The following ACTN3 variants were observed in gnomAD, a reference collection of about 807,000 sequenced individuals.
The protein encoded by ACTN3 is actinin alpha 3.
A neutral mutation model predicts 119.6 loss-of-function variants in ACTN3; 91 were observed. That is an observed-to-expected ratio of 0.76 (90% CI 0.64 to 0.91). The LOEUF (loss-of-function observed/expected upper bound fraction) is 0.91. Among genes scored for constraint, ACTN3 ranks in the 40% least tolerant of loss-of-function variants. ACTN3 has a pLI of 0.00. For synonymous variants in ACTN3, 456 were observed against 478.8 expected (o/e 0.95, Z 0.62); for missense variants, 1,221 against 1,215.1 (o/e 1.00, Z -0.07).
In ACTN3 at chr11:66,558,188, C is replaced by G; in HGVS notation, c.1276+14C>G. 2 of 1,611,310 alleles carry G rather than the reference C, an allele frequency of 1.2e-6. No homozygotes were observed. The highest frequency in any genetic ancestry group is 3.3e-5 in the Admixed American group (2 of 60,008). On this transcript the variant is annotated intron_variant, in intron 11 of 20. Transcript: ENST00000513398. ...CCTGGACCCGGGGTAGGTAGACCTA[C>G]CTCATGGGGCTGGACTGTCTCTTGG...
chr11:66,556,290 T>C (rs1857588534), intron 8 of ACTN3, 60 bp downstream of exon 8: 1 of 1,542,076 alleles, frequency 6.5e-7, no homozygotes, highest in African/African-American at 1.4e-5. Context: ...ACCTTGGCTG[T>C]AGTCCAACAT....
chr11:66,548,815 T>G (rs1045468787), intron 1 of ACTN3, among the ~76,000 whole-genome samples: 2 of 152,140 alleles, frequency 1.3e-5, no homozygotes, highest in African/African-American at 4.8e-5. Flanking sequence ...ATAAAGCCCC[T>G]GCCATGGGAG....
chr11:66,561,495 TGGA>T lies in ACTN3; in HGVS notation c.2038_2040del (p.Glu680del). The T allele has an allele frequency of 6.2e-7, 1 of 1,604,244 alleles. No individual in the cohort carries two copies. Among genetic ancestry groups the T allele is most frequent in the South Asian group, 1.1e-5 (1 of 89,430 alleles). On this transcript the variant is annotated inframe_deletion, in exon 17 of 21. Coordinates refer to ENST00000513398, the MANE Select transcript of ACTN3 (RefSeq NM_001104.4). ...CTGGCAGCAGGGCTAGCTGGCTCTC[TGGA>T]GGAGCAGATGGCTGGGCTACGGCAG...
intron 3 of ACTN3, 195 bp downstream of exon 3, chr11:66,551,842 A>G (rs487444): frequency 0.61 from 202,750 of 332,924 alleles, 63,996 homozygotes; most frequent in African/African-American, 0.85. Flanking sequence ...TTGGGAGGCC[A>G]AGGCCAGTGG....
chr11:66,560,970 G>T (rs1857745393), intron 15 of ACTN3, among the ~76,000 whole-genome samples: 1 of 152,206 alleles, frequency 6.6e-6, no homozygotes, highest in Non-Finnish European at 1.5e-5. Flanking sequence ...GGACTGATGT[G>T]AAGTAGAATT....
rs552002828 is a variant in ACTN3 at position 66,558,099 on chromosome 11, C to T, written c.1201C>T (p.Arg401Trp). The T allele has an allele frequency of 2.3e-5, 37 of 1,613,802 alleles. No individual in the cohort carries two copies. Among genetic ancestry groups the T allele is most frequent in the African/African-American group, 1.9e-4 (14 of 75,060 alleles). Residue 401 changes from arginine (R) to tryptophan (W), a missense_variant, in exon 11 of 21, where the codon CGG becomes TGG. Around this residue, in one of 3 missense-constraint regions of ACTN3, gnomAD observed 934 missense variants for 899.9 expected, o/e 1.04. Transcript: ENST00000513398. Reference protein sequence around the residue: ...GYEDWLLSEIRRLQRLQHLAE... With the variant: ...GYEDWLLSEIWRLQRLQHLAE... ...TGAGGACTGGCTGCTCTCGGAGATC[C>T]GGCGCCTGCAGCGACTCCAGCACCT...
Position 66,560,070 on chromosome 11 carries a change from G to A in ACTN3, c.1530G>A (p.Ala510=), listed in dbSNP as rs374612362. The part of the protein sequence containing the change: ...LGTLTQKRRD[A]LERMEKLLET... ...CCCTGACCCAGAAGAGGCGGGATGC[G>A]CTAGAGGTGGGGCTGGGGGCCGGGG... Residue 510 remains alanine, a synonymous_variant, in exon 13 of 21, where the codon GCG becomes GCA. Coordinates refer to ENST00000513398, the MANE Select transcript of ACTN3 (RefSeq NM_001104.4). 672 of 1,586,620 alleles carry A rather than the reference G, an allele frequency of 4.2e-4. 6 individuals are homozygous for A. In the South Asian group the frequency reaches 6.7e-3, roughly 16 times the overall value.
rs755970754 is a variant in ACTN3, at chr11:66,560,203, G to C, written c.1569G>C (p.Arg523=). 6.8e-6 allele frequency: 11 copies of C among 1,610,228 alleles called. No homozygotes were observed. Among genetic ancestry groups the C allele is most frequent in the Non-Finnish European group, 9.3e-6 (11 of 1,178,432 alleles). The change falls in exon 14 of 21, where the codon CGG becomes CGC. Residue 523 remains arginine (R), a synonymous_variant. Transcript: ENST00000513398. ...AGAAGCTCCTGGAGACCATTGACCG[G>C]CTGCAACTGGAGTTTGCCCGGCGGG... is the stretch of plus-strand genomic sequence containing the variant. ...RMEKLLETID[R]LQLEFARRAA...
rs369533215 is a variant in ACTN3, at chr11:66,555,258, T to G, written c.637-28T>G. ...CAAGGCCTCTGCCTGCAGCTGACCT[T>G]TCACCCTCCTCCCTTACACCCTTCT... On this transcript the variant is annotated intron_variant, in intron 6 of 20. Coordinates refer to ENST00000513398, the MANE Select transcript of ACTN3 (RefSeq NM_001104.4). 567 of 1,613,806 alleles carry G rather than the reference T, an allele frequency of 3.5e-4. 1 individual carries two copies. The highest frequency in any genetic ancestry group is 4.6e-4 in the Non-Finnish European group (537 of 1,179,918).
chr11:66,546,997 C>A lies in ACTN3; in HGVS notation c.60C>A (p.Gly20=). 1 of 1,518,130 alleles carries A rather than the reference C, an allele frequency of 6.6e-7. No homozygotes were observed. Among genetic ancestry groups the A allele is most frequent in the Non-Finnish European group, 8.8e-7 (1 of 1,137,128 alleles). 94.0% of individuals were successfully genotyped at this position (1,518,130 alleles called of 1,614,324 possible). The change falls in exon 1 of 21, where the codon GGC becomes GGA. Residue 20 remains glycine (G), a synonymous_variant. Transcript: ENST00000513398. ...CCGGGGAGGGGCGCTTTGCGGGCGG[C>A]GGCGGGGGCGGCGAGTACATGGAAC... ...LGAGEGRFAG[G]GGGGEYMEQE...
intron 11 of ACTN3, 26 bp downstream of exon 11, chr11:66,558,200 G>C (rs773366362): frequency 1.9e-6 from 3 of 1,609,450 alleles, no homozygotes; most frequent in South Asian, 2.2e-5. Flanking sequence ...TCATGGGGCT[G>C]GACTGTCTCT....
intron 11 of ACTN3, 64 bp from the exon 12 acceptor site, chr11:66,559,172 A>C: frequency 7.1e-7 from 1 of 1,406,708 alleles, no homozygotes; most frequent in Non-Finnish European, 9.3e-7. Context: ...ATGGTCACGC[A>C]GCCCGCCGCG....
Position 66,555,234 on chromosome 11 carries a change from A to G in ACTN3, c.636+26A>G, listed in dbSNP as rs760185666. On this transcript the variant is annotated intron_variant, in intron 6 of 20. Transcript: ENST00000513398. ...GTAGAGGCCCCCACCACCCCAGCCC[A>G]AGGCCTCTGCCTGCAGCTGACCTTT... 3.9e-5 allele frequency: 63 copies of G among 1,613,470 alleles called. No homozygotes were observed. The East Asian group carries it at 1.4e-3, about 35-fold the overall frequency.
In ACTN3 at chr11:66,551,620, G is replaced by T. The variant is rs750243492; in HGVS notation, c.355G>T (p.Val119Phe). Residue 119 changes from valine to phenylalanine, a missense_variant, in exon 3 of 21, where the codon GTT (valine) becomes TTT (phenylalanine). Val to Phe is a conservative substitution (Grantham distance 50, BLOSUM62 -1). Around this residue, in one of 3 missense-constraint regions of ACTN3, gnomAD observed 239 missense variants for 231.8 expected, o/e 1.03. Transcript: ENST00000513398. ...KALDFIASKG[V>F]KLVSIGAEEI... is the part of the protein sequence containing the mutation. ...CCTGGACTTCATTGCCAGCAAGGGG[G>T]TTAAACTGGTGTCCATTGGTGCTGA... 1 of 1,613,914 alleles carries T rather than the reference G, an allele frequency of 6.2e-7. No individual in the cohort carries two copies. Among genetic ancestry groups the T allele is most frequent in the Non-Finnish European group, 8.5e-7 (1 of 1,180,044 alleles).
In ACTN3 at chr11:66,560,270, C is replaced by A; in HGVS notation, c.1636C>A (p.Leu546Met). The part of the protein sequence containing the change: ...NNWLDGAVED[L>M]QDVWLVHSVE... ...CTGGCTGGATGGTGCCGTGGAGGAC[C>A]TGCAGGACGTGTGGCTGGTACACTC... The change falls in exon 14 of 21, where the codon CTG becomes ATG. Residue 546 changes from leucine to methionine, a missense_variant. Leu to Met is a conservative substitution (Grantham distance 15). Coordinates refer to ENST00000513398, the MANE Select transcript of ACTN3 (RefSeq NM_001104.4). 6.2e-7 allele frequency: 1 copy of A among 1,613,358 alleles called. No homozygotes were observed. Among genetic ancestry groups the A allele is most frequent in the Non-Finnish European group, 8.5e-7 (1 of 1,179,692 alleles).
intron 5 of ACTN3, 78 bp downstream of exon 5, chr11:66,554,701 A>ACTGACC: frequency 1.7e-6 from 2 of 1,179,224 alleles, no homozygotes; most frequent in African/African-American, 1.5e-5. Flanking sequence ...CTGGTCAGTG[A>ACTGACC]AGGGCACTGA....
chr11:66,560,687 C>T lies in ACTN3; in HGVS notation c.1792C>T (p.Leu598=). 1 of 1,613,936 alleles carries T rather than the reference C, an allele frequency of 6.2e-7. No homozygotes were observed. The highest frequency in any genetic ancestry group is 1.1e-5 in the South Asian group (1 of 91,082). ...EIQKICQTYG[L]RPCSTNPYIT... ...CCAGAAGATCTGCCAGACGTATGGG[C>T]TGCGGCCCTGCTCCACCAATCCCTA... Residue 598 remains leucine, a synonymous_variant, in exon 15 of 21, where the codon CTG becomes TTG. Transcript: ENST00000513398.
Position 66,560,680 on chromosome 11 carries a change from G to T in ACTN3, c.1785G>T (p.Thr595=), listed in dbSNP as rs371097266. The change falls in exon 15 of 21, where the codon ACG becomes ACT. Residue 595 remains threonine, a synonymous_variant. Transcript: ENST00000513398. ...IQGEIQKICQ[T]YGLRPCSTNP... The stretch of plus-strand genomic sequence containing the variant: ...GTGAGATCCAGAAGATCTGCCAGAC[G>T]TATGGGCTGCGGCCCTGCTCCACCA... The T allele has an allele frequency of 3.7e-6, 6 of 1,613,814 alleles. No individual in the cohort carries two copies. In the South Asian group the frequency reaches 4.4e-5, roughly 12 times the overall value.
intron 12 of ACTN3, 118 bp downstream of exon 12, chr11:66,559,504 C>A: frequency 9.3e-7 from 1 of 1,080,060 alleles, no homozygotes; most frequent in Non-Finnish European, 1.3e-6. Context: ...GTTCTGTAAC[C>A]CCGCCGTGGT....
Sources: allele counts gnomAD v4.1 joint callset (sites outside exome capture counted in the v4.1 genomes callset), GRCh38; gene constraint gnomAD v4.1.1; regional missense constraint gnomAD v4.1.1; transcripts MANE v1.5; gene names NCBI Gene and HGNC (gene_info 2026-07-23, HGNC 2026-07-21).